Variants in KAZN observed in about 807,000 individuals in gnomAD.
KAZN encodes kazrin, periplakin interacting protein, also known as kazrin.
KAZN carries 40 observed loss-of-function variants against 87.4 expected under a neutral mutation model. That is an observed-to-expected ratio of 0.46 (90% confidence interval 0.36 to 0.60). KAZN has a LOEUF of 0.60. Among genes scored for constraint, KAZN ranks in the 20% least tolerant of loss-of-function variants. The pLI, the probability that KAZN is intolerant of heterozygous loss-of-function variation, is 0.00. For synonymous variants in KAZN, 466 were observed against 458.3 expected (o/e 1.02, Z -0.22); for missense variants, 898 against 1,073.9 (o/e 0.84, Z 2.29).
At chr1:14,919,225 GGAGTGCAGTGGCAC>G (rs1290344124) in intron 1 of KAZN, among the ~76,000 whole-genome samples, 1 of 152,196 alleles carries the variant, frequency 6.6e-6, no homozygotes, top group East Asian at 1.9e-4. Context: ...TGGCCAGGCT[GGAGTGCAGTGGCAC>G]GATCTCGGCT....
At chr1:14,978,689 T>C (rs1036228399) in intron 2 of KAZN, among the ~76,000 whole-genome samples, 3 of 152,022 alleles carry the variant, frequency 2.0e-5, no homozygotes, top group African/African-American at 7.2e-5. Context: ...TCAGCCTCTG[T>C]GTGCTATGGG....
At chr1:14,797,367 G>T (rs946389178) in intron 1 of KAZN, among the ~76,000 whole-genome samples, 3 of 152,122 alleles carry the variant, frequency 2.0e-5, no homozygotes, top group African/African-American at 7.2e-5. Flanking sequence ...GGCCTATGGT[G>T]CTGTTTTTAA....
chr1:14,022,652 A>G (rs1640899499), intron 1 of KAZN, among the ~76,000 whole-genome samples: 1 of 152,124 alleles, frequency 6.6e-6, no homozygotes, highest in Non-Finnish European at 1.5e-5. Context: ...AAAGACCTTG[A>G]GTAGTGGTCT....
chr1:14,690,258 G>A (rs1354758101), intron 1 of KAZN, among the ~76,000 whole-genome samples: 1 of 152,078 alleles, frequency 6.6e-6, no homozygotes, highest in Non-Finnish European at 1.5e-5. Context: ...TAATATACAA[G>A]GCCCTATAAA....
chr1:14,180,129 A>ATT (rs113718963), intron 1 of KAZN, among the ~76,000 whole-genome samples: 76 of 148,756 alleles, frequency 5.1e-4, no homozygotes, highest in African/African-American at 1.8e-3. Flanking sequence ...TAACACCTTG[A>ATT]TTTTTTTTTT....
intron 1 of KAZN, among the ~76,000 whole-genome samples, chr1:14,110,459 G>A (rs753752036): frequency 9.9e-5 from 15 of 152,262 alleles, no homozygotes; most frequent in East Asian, 9.7e-4. Flanking sequence ...CTTCTCCTGC[G>A]CCTGTATGGG....
intron 2 of KAZN, among the ~76,000 whole-genome samples, chr1:14,485,634 C>T (rs1669310187): frequency 6.6e-6 from 1 of 152,148 alleles, no homozygotes; most frequent in Non-Finnish European, 1.5e-5. Flanking sequence ...GTGGCTCACA[C>T]CTGTAATCCC....
intron 2 of KAZN, among the ~76,000 whole-genome samples, chr1:14,319,384 G>A (rs1232588338): frequency 1.3e-5 from 2 of 151,960 alleles, no homozygotes; most frequent in South Asian, 2.1e-4. Flanking sequence ...TGAGTTCTGC[G>A]AACTTTCAGC....
chr1:14,747,848 C>T (rs1170906328), intron 1 of KAZN, among the ~76,000 whole-genome samples: 3 of 152,222 alleles, frequency 2.0e-5, no homozygotes, highest in South Asian at 2.1e-4. Context: ...GTTCTGATGT[C>T]ACTACATCCC....
intron 2 of KAZN, among the ~76,000 whole-genome samples, chr1:14,416,980 G>GTGTATATATATGTGTGTA (rs1198047553): frequency 4.3e-5 from 6 of 138,998 alleles, no homozygotes; most frequent in African/African-American, 1.6e-4. Context: ...ATGTATATAT[G>GTGTATATATATGTGTGTA]TGTATATATA....
intron 2 of KAZN, among the ~76,000 whole-genome samples, chr1:14,365,305 C>G (rs1404304987): frequency 4.6e-5 from 7 of 151,562 alleles, no homozygotes; most frequent in Non-Finnish European, 7.4e-5. Flanking sequence ...CCTCGGCCTC[C>G]TAAAGTGCTG....
At chr1:15,011,318 C>T (rs1280973003) in intron 2 of KAZN, among the ~76,000 whole-genome samples, 1 of 152,210 alleles carries the variant, frequency 6.6e-6, no homozygotes, top group Non-Finnish European at 1.5e-5. Context: ...GGGCTCCTGG[C>T]TGGATTGAAT....
At chr1:14,727,128 G>T (rs962751062) in intron 1 of KAZN, among the ~76,000 whole-genome samples, 6 of 152,224 alleles carry the variant, frequency 3.9e-5, no homozygotes, top group Middle Eastern at 3.4e-3. Context: ...TATATATATG[G>T]AGAGAGAAAG....
At chr1:14,073,915 A>G (rs777670492) in intron 1 of KAZN, among the ~76,000 whole-genome samples, 1 of 152,184 alleles carries the variant, frequency 6.6e-6, no homozygotes, top group Non-Finnish European at 1.5e-5. Flanking sequence ...GTATATATCC[A>G]GTAATGGGAT....
chr1:14,107,290 G>A (rs948923983), intron 1 of KAZN, among the ~76,000 whole-genome samples: 3 of 151,812 alleles, frequency 2.0e-5, no homozygotes. Context: ...TGGCATGAGA[G>A]CAGTTAGGAG....
At chr1:14,663,360 G>A (rs769791917) in intron 1 of KAZN, among the ~76,000 whole-genome samples, 5 of 152,068 alleles carry the variant, frequency 3.3e-5, no homozygotes, top group African/African-American at 7.2e-5. Context: ...TTGGTTCGCC[G>A]GGGCCACACA....
At chr1:14,790,147 C>T (rs1645631246) in intron 1 of KAZN, among the ~76,000 whole-genome samples, 1 of 151,980 alleles carries the variant, frequency 6.6e-6, no homozygotes, top group African/African-American at 2.4e-5. Context: ...GGATTACAAA[C>T]ATGTGCCACA....
intron 2 of KAZN, among the ~76,000 whole-genome samples, chr1:14,295,510 G>A (rs946807772): frequency 3.3e-5 from 5 of 151,988 alleles, no homozygotes; most frequent in African/African-American, 1.2e-4. Context: ...TCAGAGATAC[G>A]CACCAAAGAG....
At chr1:14,181,643 A>G (rs1276366477) in intron 2 of KAZN, among the ~76,000 whole-genome samples, 10 of 151,686 alleles carry the variant, frequency 6.6e-5, no homozygotes. Context: ...ATTCCTATTC[A>G]CGGTTCTCCT....
Sources: gnomAD v4.1 joint callset for allele counts (sites outside exome capture counted in the v4.1 genomes callset) on GRCh38, gnomAD v4.1.1 for gene constraint, MANE v1.5 for transcripts, NCBI Gene and HGNC (gene_info 2026-07-23, HGNC 2026-07-21) for gene names.